Variants in EIF4G3 observed in about 807,000 individuals in gnomAD.
EIF4G3 encodes eukaryotic translation initiation factor 4 gamma 3.
Under a neutral mutation model 186.4 loss-of-function variants are expected in EIF4G3, and 34 were observed. The ratio of observed to expected loss-of-function variants is 0.18; its 90% CI spans 0.14 to 0.24. EIF4G3 has a LOEUF of 0.24. EIF4G3 is among the 10% of genes least tolerant of loss of function. The pLI, the probability that EIF4G3 is intolerant of heterozygous loss-of-function variation, is 1.00. For synonymous variants in EIF4G3, 673 were observed against 679.5 expected (o/e 0.99, Z 0.15); for missense variants, 1,536 against 1,948.5 (o/e 0.79, Z 3.99).
rs183297885 is a variant in EIF4G3, at chr1:20,873,582, T to C, written c.2622+5741A>G. ...TTGCCCAATTGCCCTCATAAATGGT[T>C]ATATTCGTCTTTAAAAACATTTAAA... On this transcript the variant is annotated intron_variant, in intron 20 of 36. Transcript: ENST00000602326. 3.3e-3 allele frequency among the ~76,000 whole-genome samples: 495 copies of C among 149,376 alleles called. 11 individuals carry two copies. The highest frequency in any genetic ancestry group is 0.031 in the Admixed American group (454 of 14,670).
intron 2 of EIF4G3, among the ~76,000 whole-genome samples, chr1:21,118,527 C>A (rs2096868344): frequency 6.6e-6 from 1 of 152,148 alleles, no homozygotes; most frequent in Non-Finnish European, 1.5e-5. Flanking sequence ...TGGTCCACAC[C>A]TGTAAACCCA....
chr1:20,997,535 G>C, intron 7 of EIF4G3, 66 bp downstream of exon 7: 1 of 1,437,938 alleles, frequency 7.0e-7, no homozygotes, highest in Non-Finnish European at 9.6e-7. Context: ...CATTCTAAGA[G>C]TCAGCAGCTA....
chr1:20,860,878 G>C (rs1392026629), intron 23 of EIF4G3, among the ~76,000 whole-genome samples: 1 of 152,104 alleles, frequency 6.6e-6, no homozygotes, highest in Non-Finnish European at 1.5e-5. Context: ...AAGGAGGAGA[G>C]AAAAATAAAA....
chr1:21,173,532 C>T (rs189920230), intron 2 of EIF4G3, among the ~76,000 whole-genome samples: 160 of 152,060 alleles, frequency 1.1e-3, no homozygotes, highest in African/African-American at 3.8e-3. Context: ...TCACGCCTTA[C>T]AAAAAATTAC....
chr1:20,873,613 A>ATT (rs33949056), intron 20 of EIF4G3, among the ~76,000 whole-genome samples: 3,907 of 150,082 alleles, frequency 0.026, 166 homozygotes, highest in African/African-American at 0.089. Context: ...TTAAAATGGG[A>ATT]TTTTTTTTTC....
At chr1:21,144,071 A>C (rs955388806) in intron 2 of EIF4G3, among the ~76,000 whole-genome samples, 2 of 152,216 alleles carry the variant, frequency 1.3e-5, no homozygotes, top group Admixed American at 1.3e-4. Context: ...TAAATGAAGC[A>C]ATTTCATGTT....
intron 2 of EIF4G3, among the ~76,000 whole-genome samples, chr1:21,119,309 GACTAA>G (rs1218186879): frequency 4.6e-5 from 7 of 151,402 alleles, no homozygotes; most frequent in Non-Finnish European, 8.8e-5. Flanking sequence ...ATGAATGTCT[GACTAA>G]ATAAAAGGGG....
chr1:21,174,156 AAAGT>A (rs1180408940), intron 2 of EIF4G3, among the ~76,000 whole-genome samples: 2 of 152,264 alleles, frequency 1.3e-5, no homozygotes, highest in African/African-American at 2.4e-5. Context: ...AAGCCACACA[AAAGT>A]AAGTGTTCCA....
intron 13 of EIF4G3, among the ~76,000 whole-genome samples, chr1:20,943,033 C>A (rs2154562507): frequency 6.6e-6 from 1 of 152,202 alleles, no homozygotes; most frequent in African/African-American, 2.4e-5. Flanking sequence ...CTTGGTGGCA[C>A]ATGCCTGTAA....
chr1:20,819,569 C>T lies in EIF4G3; in HGVS notation c.4369-2031G>A, dbSNP rs927206642. Among the ~76,000 whole-genome samples the T allele has an allele frequency of 2.0e-5, 3 of 151,976 alleles. No homozygotes were observed. The South Asian group carries it at 6.2e-4, about 32-fold the overall frequency. ...ACCTCCCAGGCCAAGTGATCCTTAG[C>T]GAACTAATGCAGGAACAAAAAACCA... is the stretch of plus-strand genomic sequence containing the variant. On this transcript the variant is annotated intron_variant, in intron 33 of 36. Transcript: ENST00000602326.
At chr1:20,847,971 T>C (rs1220046260) in intron 29 of EIF4G3, 8 of 385,836 alleles carry the variant, frequency 2.1e-5, no homozygotes, top group South Asian at 9.9e-5. Context: ...AATATTTTCT[T>C]TTTTTTTGTT....
At chr1:20,819,109 G>C (rs949896226) in intron 33 of EIF4G3, among the ~76,000 whole-genome samples, 1 of 151,940 alleles carries the variant, frequency 6.6e-6, no homozygotes, top group Non-Finnish European at 1.5e-5. Context: ...CAATTTTTCT[G>C]ATTTAGTATT....
chr1:21,141,057 T>C (rs189928528), intron 2 of EIF4G3, among the ~76,000 whole-genome samples: 97 of 152,340 alleles, frequency 6.4e-4, no homozygotes, highest in African/African-American at 2.2e-3. Context: ...CAGCTAAATA[T>C]CTTGAACCAA....
At chr1:21,053,385 GC>G (rs1376244258) in intron 3 of EIF4G3, among the ~76,000 whole-genome samples, 3 of 148,520 alleles carry the variant, frequency 2.0e-5, no homozygotes, top group Non-Finnish European at 4.5e-5. Flanking sequence ...TCAGCCCCCC[GC>G]CCGGACAGCC....
chr1:20,899,919 T>C lies in EIF4G3; in HGVS notation c.1777A>G (p.Ile593Val), dbSNP rs760250967. 3 of 1,612,974 alleles carry C rather than the reference T, an allele frequency of 1.9e-6. No homozygotes were observed. Residue 593 changes from isoleucine (I) to valine (V), a missense_variant, in exon 16 of 37, where the codon ATT (isoleucine) becomes GTT (valine). Physicochemically the swap from Ile to Val is conservative, Grantham distance 29 (BLOSUM62 3). Coordinates refer to ENST00000602326, the MANE Select transcript of EIF4G3 (RefSeq NM_001391906.1). ...TGTTCAGATTCAAGTACTTTGTCAATGGAAAGCTCCTCTTCAGCTTTAAGC... is the reference window on the plus strand; with the variant it reads ...TGTTCAGATTCAAGTACTTTGTCAACGGAAAGCTCCTCTTCAGCTTTAAGC... ...LELKAEEELS[I>V]DKVLESEQDK...
chr1:21,048,943 CAG>C (rs1250267253), intron 4 of EIF4G3, among the ~76,000 whole-genome samples: 1 of 152,158 alleles, frequency 6.6e-6, no homozygotes, highest in Non-Finnish European at 1.5e-5. Context: ...TAACCGACTA[CAG>C]AGTCACCTAG....
intron 4 of EIF4G3, among the ~76,000 whole-genome samples, chr1:21,030,730 C>T (rs1298320111): frequency 6.6e-6 from 1 of 152,220 alleles, no homozygotes; most frequent in Non-Finnish European, 1.5e-5. Context: ...GTGTTTTACA[C>T]TTACAAAACA....
intron 14 of EIF4G3, among the ~76,000 whole-genome samples, chr1:20,934,824 AT>A (rs1461459509): frequency 6.6e-6 from 1 of 152,046 alleles, no homozygotes; most frequent in Non-Finnish European, 1.5e-5. Flanking sequence ...AGCTCAAATA[AT>A]CCCCCTCGTC....
chr1:20,877,974 G>A (rs761949903), intron 20 of EIF4G3, among the ~76,000 whole-genome samples: 1 of 152,100 alleles, frequency 6.6e-6, no homozygotes, highest in African/African-American at 2.4e-5. Context: ...CTCTCAAGTA[G>A]CTGGGATTAC....
Sources: gnomAD v4.1 joint callset for allele counts (sites outside exome capture counted in the v4.1 genomes callset) on GRCh38, gnomAD v4.1.1 for gene constraint, MANE v1.5 for transcripts, NCBI Gene and HGNC (gene_info 2026-07-23, HGNC 2026-07-21) for gene names.